MTFR1L: variants seen among roughly 807,000 people sequenced by gnomAD.
The protein encoded by MTFR1L is mitochondrial fission regulator 1-like.
MTFR1L carries 10 observed loss-of-function variants against 27.9 expected under a neutral mutation model. That is an observed-to-expected ratio of 0.36 (90% confidence interval 0.22 to 0.61). The LOEUF (loss-of-function observed/expected upper bound fraction) is 0.61, where lower values mean the gene tolerates loss of function less well. Among genes scored for constraint, MTFR1L ranks in the 20% least tolerant of loss-of-function variants. The pLI is 0.73. For missense variants in MTFR1L, 315 were observed against 363.7 expected, an observed-to-expected ratio of 0.87 and a Z score of 1.09; for synonymous variants, 151 against 139.4, an observed-to-expected ratio of 1.08 and a Z score of -0.58.
chr1:25,826,701 G>A lies in MTFR1L; in HGVS notation c.326G>A (p.Gly109Glu). The change falls in exon 5 of 7, where the codon GGG becomes GAG. Residue 109 changes from glycine (G) to glutamate (E), a missense_variant. Coordinates refer to ENST00000374303, the MANE Select transcript of MTFR1L (RefSeq NM_001099625.2). This position sits in a 1 kb window ranked among gnomAD's most constrained non-coding sequence, Gnocchi z 4.1. ...QRNASVPNLR[G>E]SEERLLALKK... The stretch of plus-strand genomic sequence containing the variant: ...AATGCCTCTGTTCCCAACCTGCGTG[G>A]GTCCGAGGAGAGGCTTCTGGCCCTG... The A allele has an allele frequency of 1.9e-6, 3 of 1,613,812 alleles. No individual in the cohort carries two copies. The highest frequency in any genetic ancestry group is 2.2e-5 in the East Asian group (1 of 44,874).
chr1:25,831,250 T>C (rs2048236248), intron 6 of MTFR1L, among the ~76,000 whole-genome samples: 1 of 152,170 alleles, frequency 6.6e-6, no homozygotes, highest in South Asian at 2.1e-4. Flanking sequence ...TAAAACACCT[T>C]CATGATGAAT....
At chr1:25,824,300 C>G (rs1459451788) in intron 3 of MTFR1L, among the ~76,000 whole-genome samples, 1 of 152,220 alleles carries the variant, frequency 6.6e-6, no homozygotes, top group African/African-American at 2.4e-5. Context: ...AGCACCCACT[C>G]AGCAGCAGAG....
intron 1 of MTFR1L, 32 bp from the exon 2 acceptor site, chr1:25,822,987 T>C (rs1324011109): frequency 1.3e-6 from 2 of 1,588,728 alleles, no homozygotes; most frequent in South Asian, 2.2e-5. Context: ...TGGGGGGTTG[T>C]TTCACAAGAG....
chr1:25,826,434 T>C lies in MTFR1L; in HGVS notation c.239+23T>C. 6.2e-7 allele frequency: 1 copy of C among 1,612,106 alleles called. No individual in the cohort carries two copies. Among genetic ancestry groups the C allele is most frequent in the Non-Finnish European group, 8.5e-7 (1 of 1,178,182 alleles). On this transcript the variant is annotated intron_variant, in intron 4 of 6. Transcript: ENST00000374303. This position sits in a 1 kb window ranked among gnomAD's most constrained non-coding sequence, Gnocchi z 4.1. ...CAGGTAGTTGAGGCAGTAGCTGGTC[T>C]GCTAAGGAATGGAGAACTTCCCAGA... is the stretch of plus-strand genomic sequence containing the variant.
Position 25,826,207 on chromosome 1 carries a change from C to A in MTFR1L, c.130-95C>A. Reference sequence around the variant, plus strand: ...CCCTCTAGGAAGCCTTCCTGACACCCAGTGCCGGATTAGGTACCCCTCCTG... The same window carrying A: ...CCCTCTAGGAAGCCTTCCTGACACCAAGTGCCGGATTAGGTACCCCTCCTG... On this transcript the variant is annotated intron_variant, in intron 3 of 6. Transcript: ENST00000374303. The surrounding 1 kb of genome is among the most constrained non-coding windows in gnomAD (Gnocchi z 4.1). The A allele has an allele frequency of 2.0e-6, 2 of 1,015,160 alleles. No homozygotes were observed. The highest frequency in any genetic ancestry group is 2.1e-5 in the Admixed American group (1 of 47,760). 62.9% of individuals were successfully genotyped at this position (1,015,160 alleles called of 1,614,324 possible). A position where few individuals can be genotyped will look rare whatever the true frequency, so the allele number is the denominator to read the frequency against.
intron 1 of MTFR1L, chr1:25,822,306 G>T (rs1255775959): frequency 6.6e-6 from 1 of 152,362 alleles, no homozygotes; most frequent in African/African-American, 2.4e-5. Context: ...GCTGGTGTTC[G>T]TTCTCCTATT....
intron 3 of MTFR1L, chr1:25,825,543 A>G (rs1438790231): frequency 6.6e-6 from 1 of 152,186 alleles, no homozygotes; most frequent in Non-Finnish European, 1.5e-5. Flanking sequence ...AAATCCTATT[A>G]TGGTTCCTTT....
intron 5 of MTFR1L, among the ~76,000 whole-genome samples, chr1:25,827,780 C>T (rs1012079153): frequency 1.2e-4 from 18 of 152,040 alleles, no homozygotes; most frequent in African/African-American, 3.9e-4. Context: ...GGTTGGAGTG[C>T]GGTGGCACGA....
chr1:25,823,823 C>T, intron 3 of MTFR1L, 75 bp downstream of exon 3: 1 of 1,524,484 alleles, frequency 6.6e-7, no homozygotes, highest in Non-Finnish European at 8.9e-7. Context: ...CTTGGTACTG[C>T]CCAAGTAGGT....
chr1:25,826,046 G>T lies in MTFR1L; in HGVS notation c.130-256G>T, dbSNP rs2048162994. 2.4e-6 allele frequency: 1 copy of T among 418,070 alleles called. No homozygotes were observed. The highest frequency in any genetic ancestry group is 6.9e-4 in the Middle Eastern group (1 of 1,452). 25.9% of individuals were successfully genotyped at this position (418,070 alleles called of 1,614,324 possible). A position where few individuals can be genotyped will look rare whatever the true frequency, so the allele number is the denominator to read the frequency against. ...GGCAGGGTTTTGCCATGTTGCCCAG[G>T]CTGATCTCAAACTCTTGGTCTCAAG... On this transcript the variant is annotated intron_variant, in intron 3 of 6. Coordinates refer to ENST00000374303, the MANE Select transcript of MTFR1L (RefSeq NM_001099625.2). The surrounding 1 kb of genome is among the most constrained non-coding windows in gnomAD (Gnocchi z 4.1).
At chr1:25,822,713 A>C in intron 1 of MTFR1L, 1 of 437,250 alleles carries the variant, frequency 2.3e-6, no homozygotes, top group South Asian at 2.7e-5. Context: ...TTTTTAGTAG[A>C]GACAGGGCTT....
rs751616757 is a variant in MTFR1L at position 25,826,545 on chromosome 1, G to T, written c.240-70G>T. 1.6e-5 allele frequency: 25 copies of T among 1,593,252 alleles called. No individual in the cohort carries two copies. Among genetic ancestry groups the T allele is most frequent in the Non-Finnish European group, 2.0e-5 (23 of 1,162,106 alleles). On this transcript the variant is annotated intron_variant, in intron 4 of 6. Coordinates refer to ENST00000374303, the MANE Select transcript of MTFR1L (RefSeq NM_001099625.2). The surrounding 1 kb of genome is among the most constrained non-coding windows in gnomAD (Gnocchi z 4.1). ...CTTACTATACTACTCTCACAGAAGT[G>T]GGGGAAGGAACCTTAGGAGCACAGT...
At chr1:25,827,284 T>G (rs990677796) in intron 5 of MTFR1L, among the ~76,000 whole-genome samples, 1 of 148,906 alleles carries the variant, frequency 6.7e-6, no homozygotes, top group Non-Finnish European at 1.5e-5. Flanking sequence ...TACAGGGGTG[T>G]GCCACCAGGC....
intron 5 of MTFR1L, among the ~76,000 whole-genome samples, 184 bp from the exon 6 acceptor site, chr1:25,829,325 A>C (rs529600463): frequency 9.2e-5 from 14 of 152,202 alleles, no homozygotes; most frequent in Admixed American, 2.6e-4. Flanking sequence ...CAGCTTTCTG[A>C]GCCCCCGAGT....
intron 5 of MTFR1L, among the ~76,000 whole-genome samples, chr1:25,827,767 C>T (rs895105598): frequency 6.6e-6 from 1 of 151,828 alleles, no homozygotes; most frequent in African/African-American, 2.4e-5. Context: ...ATTCTGTCAC[C>T]CAGGTTGGAG....
At chr1:25,831,095 A>G (rs542753173) in intron 6 of MTFR1L, among the ~76,000 whole-genome samples, 10 of 152,310 alleles carry the variant, frequency 6.6e-5, no homozygotes, top group Admixed American at 5.2e-4. Context: ...CTCAGATCAG[A>G]AGGAGCTGGG....
chr1:25,822,017 C>T (rs924102961), intron 1 of MTFR1L: 3 of 152,264 alleles, frequency 2.0e-5, no homozygotes, highest in Admixed American at 6.5e-5. Context: ...ATTGCATCTG[C>T]TCACCATGCA....
In MTFR1L at chr1:25,832,369, T is replaced by C; in HGVS notation, c.*343T>C. On this transcript the variant is annotated 3_prime_UTR_variant, in exon 7 of 7. Coordinates refer to ENST00000374303, the MANE Select transcript of MTFR1L (RefSeq NM_001099625.2). ...ACTGACTTCACTGCATTAGACCCTA[T>C]AGCTGGTCTCACAAGACACTTTGTG... 1 of 581,480 alleles carries C rather than the reference T, an allele frequency of 1.7e-6. No individual in the cohort carries two copies. The highest frequency in any genetic ancestry group is 3.0e-6 in the Non-Finnish European group (1 of 329,832). 36.0% of individuals were successfully genotyped at this position (581,480 alleles called of 1,614,324 possible). A position where few individuals can be genotyped will look rare whatever the true frequency, so the allele number is the denominator to read the frequency against.
chr1:25,824,840 A>G (rs1350941052), intron 3 of MTFR1L, among the ~76,000 whole-genome samples: 2 of 152,048 alleles, frequency 1.3e-5, no homozygotes, highest in Admixed American at 6.5e-5. Flanking sequence ...ACACTTGGCT[A>G]TACCCTCTTC....
Sources: allele counts gnomAD v4.1 joint callset (sites outside exome capture counted in the v4.1 genomes callset), GRCh38; gene constraint gnomAD v4.1.1; non-coding constraint Gnocchi (gnomAD v3.1); transcripts MANE v1.5; gene names NCBI Gene and HGNC (gene_info 2026-07-23, HGNC 2026-07-21).